Variants in TRIP11 observed in about 807,000 individuals in gnomAD.
TRIP11 encodes the protein thyroid receptor-interacting protein 11.
In TRIP11, 148 loss-of-function variants were observed where a neutral mutation model predicts 223.1. The observed-to-expected ratio is 0.66, with a 90% CI of 0.58 to 0.76. The LOEUF (loss-of-function observed/expected upper bound fraction) is 0.76. Ranked by LOEUF, TRIP11 falls within the 30% of genes least tolerant of loss-of-function variation. The pLI, the probability that TRIP11 is intolerant of heterozygous loss-of-function variation, is 0.00. For synonymous variants in TRIP11, 762 were observed against 772.6 expected, an observed-to-expected ratio of 0.99 and a Z score of 0.23; for missense variants, 2,043 against 2,222.0, an observed-to-expected ratio of 0.92 and a Z score of 1.62.
chr14:92,003,508 A>G lies in TRIP11; in HGVS notation c.4468T>C (p.Ser1490Pro), dbSNP rs2056854590. Residue 1490 changes from serine to proline, a missense_variant, in exon 11 of 21, where the codon TCT (serine) becomes CCT (proline). By Grantham distance (74) the Ser-to-Pro change is moderately conservative (BLOSUM62 -1). Transcript: ENST00000267622. ...QALQETNMKFSMMLREKEFEC... is the reference protein window; with the variant it reads ...QALQETNMKFPMMLREKEFEC... ...AACTCTTTTTCTCGCAGCATCATAGAAAACTTCATGTTAGTCTCTTGTAAC... is the reference window on the plus strand; with the variant it reads ...AACTCTTTTTCTCGCAGCATCATAGGAAACTTCATGTTAGTCTCTTGTAAC... The G allele has an allele frequency of 6.2e-7, 1 of 1,614,030 alleles. No individual in the cohort carries two copies. Among genetic ancestry groups the G allele is most frequent in the Admixed American group, 1.7e-5 (1 of 60,004 alleles).
At chr14:92,038,730 T>C (rs2057350394) in intron 1 of TRIP11, among the ~76,000 whole-genome samples, 1 of 152,168 alleles carries the variant, frequency 6.6e-6, no homozygotes, top group Non-Finnish European at 1.5e-5. Context: ...GCCCATTATC[T>C]CCCTGGAGCA....
At chr14:92,022,407 T>C (rs1199751349) in intron 3 of TRIP11, among the ~76,000 whole-genome samples, 1 of 152,210 alleles carries the variant, frequency 6.6e-6, no homozygotes, top group Non-Finnish European at 1.5e-5. Flanking sequence ...CCATGGTTAT[T>C]AGCCCATGAA....
Position 92,021,657 on chromosome 14 carries a change from C to A in TRIP11, c.487G>T (p.Asp163Tyr). Residue 163 changes from aspartate to tyrosine, a missense_variant, in exon 4 of 21, where the codon GAC becomes TAC. Transcript: ENST00000267622. ...TGGGATGAAATTATATCACCAAAGT[C>A]CATGTCATCGTCATGGAAAGCTGAA... ...HPSAFHDDDM[D>Y]FGDIISSQQE... The A allele has an allele frequency of 6.2e-7, 1 of 1,613,970 alleles. No individual in the cohort carries two copies.
intron 19 of TRIP11, among the ~76,000 whole-genome samples, chr14:91,974,111 T>C (rs75184314): frequency 0.01 from 1,583 of 152,364 alleles, 16 homozygotes; most frequent in African/African-American, 0.035. Flanking sequence ...AATATTCATC[T>C]AGAGCCTACA....
Position 92,017,707 on chromosome 14 carries a change from AT to A in TRIP11, c.631del (p.Ile211TyrfsTer11). 1 of 1,612,780 alleles carries A rather than the reference AT, an allele frequency of 6.2e-7. No individual in the cohort carries two copies. Among genetic ancestry groups the A allele is most frequent in the Non-Finnish European group, 8.5e-7 (1 of 1,179,288 alleles). Reference sequence around the variant, plus strand: ...CTTAATGATATTTTGTAGTTTACATATTTCACTTTGATCAGAGTTATCTGTT... The same window carrying A: ...CTTAATGATATTTTGTAGTTTACATATTCACTTTGATCAGAGTTATCTGTT... Reference protein sequence around the residue: ...QGTDNSDQSEICKLQNIIKEL... With the variant: ...QGTDNSDQSEXCKLQNIIKEL... On this transcript the variant is annotated frameshift_variant, in exon 5 of 21. Coordinates refer to ENST00000267622, the MANE Select transcript of TRIP11 (RefSeq NM_004239.4). LOFTEE classifies it high-confidence loss of function.
rs1451669540 is a variant in TRIP11 at position 92,004,449 on chromosome 14, A to T, written c.3527T>A (p.Leu1176Gln). The T allele has an allele frequency of 5.0e-6, 8 of 1,613,782 alleles. No individual in the cohort carries two copies. In the South Asian group the frequency reaches 8.8e-5, roughly 18 times the overall value. The change falls in exon 11 of 21, where the codon CTA becomes CAA. Residue 1176 changes from leucine (L) to glutamine (Q), a missense_variant. Leu to Gln is a moderately radical substitution (Grantham distance 113). Coordinates refer to ENST00000267622, the MANE Select transcript of TRIP11 (RefSeq NM_004239.4). ...CAATAAAGTCTGACATTTCTGACTT[A>T]GTGCATCTATTTCGATGTCTTTTTC... The part of the protein sequence containing the change: ...IREKDIEIDA[L>Q]SQKCQTLLAV...
intron 16 of TRIP11, among the ~76,000 whole-genome samples, chr14:91,985,833 T>C (rs1362282134): frequency 6.6e-6 from 1 of 152,246 alleles, no homozygotes; most frequent in Non-Finnish European, 1.5e-5. Flanking sequence ...AGAGAAAATA[T>C]ACAGCGATTC....
intron 11 of TRIP11, among the ~76,000 whole-genome samples, chr14:92,000,761 T>C (rs533575154): frequency 6.6e-6 from 1 of 152,248 alleles, no homozygotes; most frequent in South Asian, 2.1e-4. Context: ...TGAGAGAAAG[T>C]AACTTCACTG....
intron 2 of TRIP11, among the ~76,000 whole-genome samples, chr14:92,028,946 A>G (rs1743555817): frequency 6.6e-6 from 1 of 152,180 alleles, no homozygotes; most frequent in Non-Finnish European, 1.5e-5. Flanking sequence ...GATATTTATG[A>G]TTTTTATTCT....
chr14:92,032,609 T>A (rs1282830018), intron 2 of TRIP11, among the ~76,000 whole-genome samples: 2 of 151,764 alleles, frequency 1.3e-5, no homozygotes, highest in Non-Finnish European at 2.9e-5. Flanking sequence ...CTAAGGCGGG[T>A]GAATCACGAG....
At chr14:92,007,988 T>C in intron 9 of TRIP11, 136 bp from the exon 10 acceptor site, 1 of 679,366 alleles carries the variant, frequency 1.5e-6, no homozygotes, top group Non-Finnish European at 2.5e-6. Context: ...AATACCTCAA[T>C]AATTGTATGT....
intron 2 of TRIP11, among the ~76,000 whole-genome samples, chr14:92,028,133 GT>G (rs990851031): frequency 6.6e-6 from 1 of 151,752 alleles, no homozygotes; most frequent in Non-Finnish European, 1.5e-5. Context: ...TTCACTTCAG[GT>G]TTTTTTTCAC....
intron 1 of TRIP11, among the ~76,000 whole-genome samples, chr14:92,034,704 T>G (rs977951820): frequency 6.6e-6 from 1 of 152,204 alleles, no homozygotes; most frequent in Non-Finnish European, 1.5e-5. Context: ...GGCTGGAGTA[T>G]AGTGGTGTGA....
At position 91,981,139 on chromosome 14, in the gene TRIP11, G is replaced by A. The variant is rs1055339843; in HGVS notation, c.5261-4950C>T. On this transcript the variant is annotated intron_variant, in intron 16 of 20. Transcript: ENST00000267622. ...CAAGCAATTCTCCTGCCTCGGTCTC[G>A]CGAGTAGCTGGGATAACAAGCGCCT... Among the ~76,000 whole-genome samples the A allele has an allele frequency of 1.5e-4, 22 of 146,982 alleles. No homozygotes were observed. In the East Asian group the frequency reaches 2.4e-3, roughly 16 times the overall value.
At position 92,010,977 on chromosome 14, in the gene TRIP11, A is replaced by G; in HGVS notation, c.1314+9T>C. 1 of 1,613,562 alleles carries G rather than the reference A, an allele frequency of 6.2e-7. No homozygotes were observed. The highest frequency in any genetic ancestry group is 1.3e-5 in the African/African-American group (1 of 74,956). On this transcript the variant is annotated intron_variant, in intron 9 of 20. Transcript: ENST00000267622. ...ATTTTAATTCTGCCCCCATTTTTACAGCACCCACCTTTTCTTGACTCAGTA... is the reference window on the plus strand; with the variant it reads ...ATTTTAATTCTGCCCCCATTTTTACGGCACCCACCTTTTCTTGACTCAGTA...
At chr14:92,021,119 G>A (rs1253283654) in intron 4 of TRIP11, among the ~76,000 whole-genome samples, 23 of 149,622 alleles carry the variant, frequency 1.5e-4, no homozygotes, top group Non-Finnish European at 2.8e-4. Context: ...GAGGCCAGGC[G>A]CAGTGGCTCA....
At chr14:91,970,544 TA>T (rs1027866525) in intron 20 of TRIP11, among the ~76,000 whole-genome samples, 2 of 152,278 alleles carry the variant, frequency 1.3e-5, no homozygotes, top group African/African-American at 4.8e-5. Context: ...CATTTTCTGA[TA>T]AAAAAACAAT....
intron 20 of TRIP11, among the ~76,000 whole-genome samples, chr14:91,971,645 A>G (rs1032798536): frequency 1.3e-5 from 2 of 152,104 alleles, no homozygotes; most frequent in African/African-American, 4.8e-5. Flanking sequence ...GAAGGGAAAG[A>G]GCCTGCCATA....
In TRIP11 at chr14:92,003,605, G is replaced by A; in HGVS notation, c.4371C>T (p.Asp1457=). 1 of 1,614,038 alleles carries A rather than the reference G, an allele frequency of 6.2e-7. No individual in the cohort carries two copies. Among genetic ancestry groups the A allele is most frequent in the Non-Finnish European group, 8.5e-7 (1 of 1,180,010 alleles). The change falls in exon 11 of 21, where the codon GAC becomes GAT. Residue 1457 remains aspartate, a synonymous_variant. Coordinates refer to ENST00000267622, the MANE Select transcript of TRIP11 (RefSeq NM_004239.4). Reference sequence around the variant, plus strand: ...CATTTTCTCCTTTTAGTTTGCCAATGTCCATCTCTAGAATTAATATTCTCT... The same window carrying A: ...CATTTTCTCCTTTTAGTTTGCCAATATCCATCTCTAGAATTAATATTCTCT... The part of the protein sequence containing the change: ...LKERILILEM[D]IGKLKGENEK...
Sources: allele counts gnomAD v4.1 joint callset (sites outside exome capture counted in the v4.1 genomes callset), GRCh38; gene constraint gnomAD v4.1.1; transcripts MANE v1.5; gene names NCBI Gene and HGNC (gene_info 2026-07-23, HGNC 2026-07-21).